TENT2: variants seen among roughly 807,000 people sequenced by gnomAD.
TENT2 encodes poly(A) RNA polymerase GLD2.
Under a neutral mutation model 72.2 loss-of-function variants are expected in TENT2, and 44 were observed. That is an observed-to-expected ratio of 0.61 (90% confidence interval 0.48 to 0.78). The LOEUF (loss-of-function observed/expected upper bound fraction) is 0.78, where lower values mean the gene tolerates loss of function less well. TENT2 is among the 30% of genes least tolerant of loss of function. The pLI is 0.00. For synonymous variants in TENT2, 212 were observed against 192.5 expected (o/e 1.10, Z -0.84); for missense variants, 541 against 569.6 (o/e 0.95, Z 0.51).
At chr5:79,668,083 T>C (rs971319589) in intron 11 of TENT2, among the ~76,000 whole-genome samples, 1 of 152,074 alleles carries the variant, frequency 6.6e-6, no homozygotes, top group Non-Finnish European at 1.5e-5. Flanking sequence ...TGATAGTACA[T>C]TTAGTATATT....
chr5:79,615,034 A>AT (rs1358385494), intron 1 of TENT2: 2 of 152,154 alleles, frequency 1.3e-5, no homozygotes, highest in East Asian at 3.8e-4. Context: ...GAGGGCCAAA[A>AT]TTCATACTGA....
chr5:79,629,482 A>G (rs73119781), intron 4 of TENT2, among the ~76,000 whole-genome samples: 2,282 of 152,304 alleles, frequency 0.015, 54 homozygotes, highest in African/African-American at 0.051. Context: ...CTAAACATAC[A>G]TGGTCTCTAC....
chr5:79,625,985 C>T (rs560057607), intron 4 of TENT2, among the ~76,000 whole-genome samples: 11 of 151,692 alleles, frequency 7.3e-5, no homozygotes, highest in African/African-American at 1.4e-4. Flanking sequence ...TGTGCCACCA[C>T]GTCTGGCTAA....
At chr5:79,679,692 A>C (rs1338897595) in intron 13 of TENT2, 22 bp downstream of exon 13, 2 of 1,381,502 alleles carry the variant, frequency 1.4e-6, no homozygotes, top group Non-Finnish European at 2.0e-6. Context: ...TTTACCATCT[A>C]CGTATCATCA....
At chr5:79,616,003 C>A (rs562881117) in intron 1 of TENT2, among the ~76,000 whole-genome samples, 12 of 152,168 alleles carry the variant, frequency 7.9e-5, no homozygotes, top group African/African-American at 2.4e-4. Context: ...ATTCCCCTGC[C>A]TCAGCCTCCC....
chr5:79,632,207 C>G (rs921232670), intron 4 of TENT2, among the ~76,000 whole-genome samples: 1 of 152,110 alleles, frequency 6.6e-6, no homozygotes, highest in African/African-American at 2.4e-5. Flanking sequence ...GTGAGTCAGT[C>G]AGCTGAATCT....
At chr5:79,654,373 G>A (rs188824400) in intron 10 of TENT2, among the ~76,000 whole-genome samples, 1 of 152,224 alleles carries the variant, frequency 6.6e-6, no homozygotes, top group Admixed American at 6.5e-5. Context: ...GGAGGTTGCA[G>A]TGAGCCTAGA....
chr5:79,624,804 T>G (rs891041573), intron 4 of TENT2, among the ~76,000 whole-genome samples: 1 of 152,238 alleles, frequency 6.6e-6, no homozygotes, highest in African/African-American at 2.4e-5. Context: ...AATGCAGTCC[T>G]CAGCTGATGA....
intron 13 of TENT2, among the ~76,000 whole-genome samples, chr5:79,681,413 C>G (rs1580695969): frequency 6.6e-6 from 1 of 151,948 alleles, no homozygotes. Flanking sequence ...CCACCTCAGG[C>G]TCCCAAAGTG....
intron 3 of TENT2, 76 bp from the exon 4 acceptor site, chr5:79,623,176 A>G: frequency 5.2e-6 from 5 of 956,534 alleles, no homozygotes; most frequent in Non-Finnish European, 7.7e-6. Context: ...TATGATATTT[A>G]TATATATTTA....
rs1798397896 is a variant in TENT2, at chr5:79,656,980, A to G, written c.1050A>G (p.Pro350=). The G allele has an allele frequency of 1.9e-6, 3 of 1,604,814 alleles. No individual in the cohort carries two copies. Among genetic ancestry groups the G allele is most frequent in the African/African-American group, 1.3e-5 (1 of 74,708 alleles). The stretch of plus-strand genomic sequence containing the variant: ...TAGCCCTACCTGAACCCATCCTTCC[A>G]TCCCTCCAAAAAATTTACCCAGTAA... The part of the protein sequence containing the change: ...YLQTLPEPIL[P]SLQKIYPESF... The change falls in exon 11 of 15, where the codon CCA becomes CCG. Residue 350 remains proline (P), a synonymous_variant. Coordinates refer to ENST00000453514, the MANE Select transcript of TENT2 (RefSeq NM_001114394.3).
chr5:79,617,034 T>C (rs1760771845), intron 1 of TENT2, among the ~76,000 whole-genome samples: 1 of 152,078 alleles, frequency 6.6e-6, no homozygotes, highest in Non-Finnish European at 1.5e-5. Flanking sequence ...TTGTCTCTCA[T>C]AGTTTTTCCA....
intron 12 of TENT2, among the ~76,000 whole-genome samples, chr5:79,673,085 A>G (rs1256091875): frequency 6.6e-6 from 1 of 152,122 alleles, no homozygotes; most frequent in Non-Finnish European, 1.5e-5. Context: ...TGCTCTTTGT[A>G]TGCCTTCTTT....
chr5:79,655,114 G>A (rs1305761844), intron 10 of TENT2, among the ~76,000 whole-genome samples: 1 of 152,108 alleles, frequency 6.6e-6, no homozygotes, highest in Non-Finnish European at 1.5e-5. Flanking sequence ...GATTTTTCCA[G>A]AATTTACATT....
rs562252526 is a variant in TENT2 at position 79,633,997 on chromosome 5, CAAAAAA to C, written c.466-6837_466-6832del. ...TGAAACCCCGTCTCTACTAAAAATA[CAAAAAA>C]AAAAAAAAAAAAAAAATTAGCTGGA... On this transcript the variant is annotated intron_variant, in intron 4 of 14. Coordinates refer to ENST00000453514, the MANE Select transcript of TENT2 (RefSeq NM_001114394.3). Among the ~76,000 whole-genome samples the C allele has an allele frequency of 6.6e-3, 463 of 70,494 alleles. 1 individual carries two copies. The highest frequency in any genetic ancestry group is 0.017 in the African/African-American group (442 of 26,722). The allele number at this position is 70,494 out of a possible 152,430, so 46.2% of individuals were successfully genotyped here.
intron 13 of TENT2, 43 bp from the exon 14 acceptor site, chr5:79,681,939 C>T (rs771864975): frequency 2.5e-5 from 38 of 1,511,588 alleles, no homozygotes; most frequent in Non-Finnish European, 3.4e-5. Flanking sequence ...CTGTAGCTCT[C>T]ATTTTAATAA....
intron 8 of TENT2, among the ~76,000 whole-genome samples, chr5:79,646,324 A>G (rs188002713): frequency 1.1e-3 from 169 of 152,306 alleles, no homozygotes; most frequent in Admixed American, 1.6e-3. Flanking sequence ...AATGTCTTCA[A>G]ATAGAAGCAC....
intron 4 of TENT2, among the ~76,000 whole-genome samples, chr5:79,633,397 G>T (rs1198143884): frequency 7.2e-6 from 1 of 139,796 alleles, no homozygotes; most frequent in African/African-American, 2.6e-5. Context: ...TTACATTGTA[G>T]TATATGATTA....
At chr5:79,675,573 C>T (rs972443487) in intron 12 of TENT2, among the ~76,000 whole-genome samples, 5 of 152,262 alleles carry the variant, frequency 3.3e-5, no homozygotes, top group African/African-American at 9.6e-5. Flanking sequence ...TGTGATCATT[C>T]TGTATGGTTG....
Sources: gnomAD v4.1 joint callset for allele counts (sites outside exome capture counted in the v4.1 genomes callset) on GRCh38, gnomAD v4.1.1 for gene constraint, MANE v1.5 for transcripts, NCBI Gene and HGNC (gene_info 2026-07-23, HGNC 2026-07-21) for gene names.